Variants in ADAMTS2 observed in about 807,000 individuals in gnomAD.
ADAMTS2 encodes the protein ADAM metallopeptidase with thrombospondin type 1 motif 2.
In ADAMTS2, 50 loss-of-function variants were observed where a neutral mutation model predicts 123.0. The observed-to-expected ratio is 0.41, with a 90% CI of 0.32 to 0.51. ADAMTS2 has a LOEUF of 0.51. Ranked by LOEUF, ADAMTS2 falls within the 20% of genes least tolerant of loss-of-function variation. The probability of loss-of-function intolerance (pLI) is 0.35; values close to 1 mark genes in which losing one functional copy is unlikely to be tolerated. For synonymous variants in ADAMTS2, 678 were observed against 695.4 expected (o/e 0.98, Z 0.39); for missense variants, 1,494 against 1,705.2 (o/e 0.88, Z 2.18).
rs531768193 is a variant in ADAMTS2 at position 179,207,590 on chromosome 5, G to A, written c.814C>T (p.Leu272=). Residue 272 remains leucine (L), a synonymous_variant, in exon 4 of 22, where the codon CTG becomes TTG. Coordinates refer to ENST00000251582, the MANE Select transcript of ADAMTS2 (RefSeq NM_014244.5). ...ADDDYNIEVL[L]GVDDSVVQFH... ...TGCACCACAGAGTCATCCACGCCCAGCAGGACCTCGATGTTGTAGTCATCG... is the reference window on the plus strand; with the variant it reads ...TGCACCACAGAGTCATCCACGCCCAACAGGACCTCGATGTTGTAGTCATCG... 41 of 1,613,488 alleles carry A rather than the reference G, an allele frequency of 2.5e-5. No individual in the cohort carries two copies. In the African/African-American group the frequency reaches 5.1e-4, roughly 20 times the overall value.
chr5:179,113,707 G>A lies in ADAMTS2; in HGVS notation c.*160C>T, dbSNP rs1420286724. The stretch of plus-strand genomic sequence containing the variant: ...ACACGTGCTAACCTAGTTACCACAT[G>A]CTCATGCCTATCTTTCTTACGTCAT... On this transcript the variant is annotated 3_prime_UTR_variant, in exon 22 of 22. Transcript: ENST00000251582. 1.3e-6 allele frequency: 1 copy of A among 754,272 alleles called. No homozygotes were observed. The highest frequency in any genetic ancestry group is 1.7e-5 in the African/African-American group (1 of 57,192). 46.7% of individuals were successfully genotyped at this position (754,272 alleles called of 1,614,324 possible).
chr5:179,158,948 G>C lies in ADAMTS2; in HGVS notation c.976-69C>G. On this transcript the variant is annotated intron_variant, in intron 5 of 21. Coordinates refer to ENST00000251582, the MANE Select transcript of ADAMTS2 (RefSeq NM_014244.5). This position sits in a 1 kb window ranked among gnomAD's most constrained non-coding sequence, Gnocchi z 5.0. ...GGTGGCCCAGTGGGGGGCCGAGCAG[G>C]CTGTAGTGTTGACAGACCCCATCCA... is the stretch of plus-strand genomic sequence containing the variant. 6.4e-7 allele frequency: 1 copy of C among 1,568,280 alleles called. No homozygotes were observed. The highest frequency in any genetic ancestry group is 8.7e-7 in the Non-Finnish European group (1 of 1,155,492).
chr5:179,184,354 A>G (rs996536230), intron 4 of ADAMTS2, among the ~76,000 whole-genome samples: 3 of 152,044 alleles, frequency 2.0e-5, no homozygotes, highest in African/African-American at 7.2e-5. Context: ...TCTACTAAAA[A>G]TACAAAATTA....
chr5:179,125,078 G>A lies in ADAMTS2; in HGVS notation c.2853C>T (p.Thr951=), dbSNP rs372360565. 4 of 1,611,152 alleles carry A rather than the reference G, an allele frequency of 2.5e-6. No homozygotes were observed. The African/African-American group carries it at 4.0e-5, about 16-fold the overall frequency. Residue 951 remains threonine, a synonymous_variant, in exon 19 of 22, where the codon ACC becomes ACT. Coordinates refer to ENST00000251582, the MANE Select transcript of ADAMTS2 (RefSeq NM_014244.5). ...RCIQPLHDNT[T]RSVHAKHCND... is the part of the protein sequence containing the mutation. ...TGCAGTGCTTGGCGTGCACGGAGCG[G>A]GTGGTGTTGTCGTGTAGCGGCTGAA...
In ADAMTS2 at chr5:179,115,082, G is replaced by C. The variant is rs146299908; in HGVS notation, c.3179-758C>G. On this transcript the variant is annotated intron_variant, in intron 21 of 21. Coordinates refer to ENST00000251582, the MANE Select transcript of ADAMTS2 (RefSeq NM_014244.5). The surrounding 1 kb of genome is among the most constrained non-coding windows in gnomAD (Gnocchi z 4.4). ...CGTGCTGCCCTCACATAGATTAATC[G>C]TTCCACCCTGCACATCTTTCTCTTT... 6.6e-6 allele frequency among the ~76,000 whole-genome samples: 1 copy of C among 151,978 alleles called. No homozygotes were observed. The highest frequency in any genetic ancestry group is 2.4e-5 in the African/African-American group (1 of 41,366).
rs891414623 is a variant in ADAMTS2, at chr5:179,249,086, C to T, written c.688+23825G>A. On this transcript the variant is annotated intron_variant, in intron 3 of 21. Transcript: ENST00000251582. ...AACTAGAAATCAATGACAGAAGAAA[C>T]CCTTTAAAAATTCACAAATATGTAG... Among the ~76,000 whole-genome samples, 18 of 152,030 alleles carry T rather than the reference C, an allele frequency of 1.2e-4. 1 individual carries two copies. The highest frequency in any genetic ancestry group is 4.1e-4 in the African/African-American group (17 of 41,406).
At chr5:179,187,945 G>A (rs1219781602) in intron 4 of ADAMTS2, among the ~76,000 whole-genome samples, 1 of 152,176 alleles carries the variant, frequency 6.6e-6, no homozygotes, top group African/African-American at 2.4e-5. Flanking sequence ...CCTCACTGGT[G>A]GCAGAGTTCC....
chr5:179,201,670 T>C (rs1581185973), intron 4 of ADAMTS2, among the ~76,000 whole-genome samples: 1 of 144,000 alleles, frequency 6.9e-6, no homozygotes, highest in Non-Finnish European at 1.5e-5. Flanking sequence ...GCCGTGGTGG[T>C]GCATGCCTGT....
chr5:179,130,903 G>A lies in ADAMTS2; in HGVS notation c.2291-805C>T, dbSNP rs182308629. On this transcript the variant is annotated intron_variant, in intron 15 of 21. Coordinates refer to ENST00000251582, the MANE Select transcript of ADAMTS2 (RefSeq NM_014244.5). The surrounding 1 kb of genome is among the most constrained non-coding windows in gnomAD (Gnocchi z 4.3). ...AGAGAGCGACCTCAGCCCCAGAGGCGGTGGCAGGAAGCAGCGTTGGGACAG... is the reference window on the plus strand; with the variant it reads ...AGAGAGCGACCTCAGCCCCAGAGGCAGTGGCAGGAAGCAGCGTTGGGACAG... Among the ~76,000 whole-genome samples the A allele has an allele frequency of 5.8e-4, 88 of 152,220 alleles. No homozygotes were observed. Among genetic ancestry groups the A allele is most frequent in the Non-Finnish European group, 9.7e-4 (66 of 68,014 alleles).
intron 2 of ADAMTS2, among the ~76,000 whole-genome samples, chr5:179,328,179 C>CCT (rs1757363719): frequency 6.6e-6 from 1 of 152,138 alleles, no homozygotes; most frequent in Non-Finnish European, 1.5e-5. Flanking sequence ...ACTACAGGCG[C>CCT]GCACCACCAC....
At chr5:179,221,564 G>T (rs1765126931) in intron 3 of ADAMTS2, among the ~76,000 whole-genome samples, 1 of 152,164 alleles carries the variant, frequency 6.6e-6, no homozygotes, top group Non-Finnish European at 1.5e-5. Flanking sequence ...CCATGCTGGG[G>T]GTGGAAGGGT....
rs1017887047 is a variant in ADAMTS2 at position 179,189,033 on chromosome 5, G to A, written c.892-7878C>T. ...CCCACTCTGAGGTCAGATTTCATGG[G>A]TGCCAGCATGGGCTCTGCCACAATC... On this transcript the variant is annotated intron_variant, in intron 4 of 21. Coordinates refer to ENST00000251582, the MANE Select transcript of ADAMTS2 (RefSeq NM_014244.5). The surrounding 1 kb of genome is among the most constrained non-coding windows in gnomAD (Gnocchi z 4.2). Among the ~76,000 whole-genome samples, 8 of 152,204 alleles carry A rather than the reference G, an allele frequency of 5.3e-5. No homozygotes were observed. Among genetic ancestry groups the A allele is most frequent in the Non-Finnish European group, 1.0e-4 (7 of 68,050 alleles).
Position 179,135,855 on chromosome 5 carries a change from C to T in ADAMTS2, c.2085+54G>A, listed in dbSNP as rs1763057104. ...CCCCGAAAAGGGGGAGGTCAGTACCCAGGAAGCTGAGACTTGACACGGTAG... is the reference window on the plus strand; with the variant it reads ...CCCCGAAAAGGGGGAGGTCAGTACCTAGGAAGCTGAGACTTGACACGGTAG... On this transcript the variant is annotated intron_variant, in intron 13 of 21. Coordinates refer to ENST00000251582, the MANE Select transcript of ADAMTS2 (RefSeq NM_014244.5). 2.5e-6 allele frequency: 4 copies of T among 1,610,818 alleles called. No homozygotes were observed. The Admixed American group carries it at 6.7e-5, about 27-fold the overall frequency.
intron 2 of ADAMTS2, among the ~76,000 whole-genome samples, chr5:179,276,057 AGG>A (rs1197388178): frequency 6.6e-6 from 1 of 152,080 alleles, no homozygotes; most frequent in Admixed American, 6.5e-5. Context: ...AGAGCGGAAG[AGG>A]GGGTGGGAAC....
At chr5:179,275,187 G>C (rs1479867673) in intron 2 of ADAMTS2, among the ~76,000 whole-genome samples, 1 of 152,140 alleles carries the variant, frequency 6.6e-6, no homozygotes, top group African/African-American at 2.4e-5. Flanking sequence ...GCGGCAGGGG[G>C]AATGGGCTGC....
At chr5:179,215,002 G>A (rs771246772) in intron 3 of ADAMTS2, among the ~76,000 whole-genome samples, 8 of 151,980 alleles carry the variant, frequency 5.3e-5, no homozygotes, top group Non-Finnish European at 8.8e-5. Context: ...ACATTCATCC[G>A]GAAGACCACA....
intron 9 of ADAMTS2, among the ~76,000 whole-genome samples, chr5:179,153,274 T>A (rs1763398793): frequency 6.6e-6 from 1 of 152,130 alleles, no homozygotes; most frequent in Non-Finnish European, 1.5e-5. Flanking sequence ...GTCCCCCGTG[T>A]GCTTCCTGCC....
intron 1 of ADAMTS2, 90 bp from the exon 2 acceptor site, chr5:179,344,251 G>T: frequency 6.8e-7 from 1 of 1,469,136 alleles, no homozygotes; most frequent in South Asian, 1.2e-5. Flanking sequence ...CCCAGACCCC[G>T]CCCCACTGCG....
chr5:179,343,636 A>C, intron 2 of ADAMTS2, 131 bp downstream of exon 2: 1 of 1,296,298 alleles, frequency 7.7e-7, no homozygotes, highest in Non-Finnish European at 1.1e-6. Flanking sequence ...CACGAGGCTC[A>C]CTAAAGCACG....
Sources: allele counts gnomAD v4.1 joint callset (sites outside exome capture counted in the v4.1 genomes callset), GRCh38; gene constraint gnomAD v4.1.1; non-coding constraint Gnocchi (gnomAD v3.1); transcripts MANE v1.5; gene names NCBI Gene and HGNC (gene_info 2026-07-23, HGNC 2026-07-21).